The following CDH13 variants were observed in gnomAD, a reference collection of about 807,000 sequenced individuals.
The protein encoded by CDH13 is cadherin-13.
In CDH13, 24 loss-of-function variants were observed where a neutral mutation model predicts 63.8. The observed-to-expected ratio is 0.38, with a 90% confidence interval of 0.27 to 0.53. The LOEUF (loss-of-function observed/expected upper bound fraction) is 0.53, where lower values mean the gene tolerates loss of function less well. Ranked by LOEUF, CDH13 falls within the 20% of genes least tolerant of loss-of-function variation. CDH13 has a pLI of 0.85. For missense variants in CDH13, 1,049 were observed against 903.1 expected, an observed-to-expected ratio of 1.16 and a Z score of -2.07; for synonymous variants, 503 against 355.3, an observed-to-expected ratio of 1.42 and a Z score of -4.67.
At chr16:82,930,311 C>G (rs946336546) in intron 2 of CDH13, among the ~76,000 whole-genome samples, 5 of 152,194 alleles carry the variant, frequency 3.3e-5, no homozygotes, top group South Asian at 2.1e-4. Flanking sequence ...AGAGAGTGTA[C>G]TCTTGTGTGT....
intron 5 of CDH13, among the ~76,000 whole-genome samples, chr16:83,238,459 A>G (rs1597575942): frequency 6.6e-6 from 1 of 152,200 alleles, no homozygotes; most frequent in Non-Finnish European, 1.5e-5. Flanking sequence ...GGTCACTCCC[A>G]TGACATGGGG....
intron 6 of CDH13, among the ~76,000 whole-genome samples, chr16:83,368,338 G>C (rs934359452): frequency 3.3e-5 from 5 of 152,046 alleles, no homozygotes; most frequent in Non-Finnish European, 5.9e-5. Context: ...TCATCTATTT[G>C]AGCTTACCTT....
chr16:82,819,412 G>C (rs527311627), intron 1 of CDH13, among the ~76,000 whole-genome samples: 1 of 152,308 alleles, frequency 6.6e-6, no homozygotes, highest in Admixed American at 6.5e-5. Flanking sequence ...GCATGGACTA[G>C]GGAGTCATGA....
intron 2 of CDH13, among the ~76,000 whole-genome samples, chr16:83,026,800 A>G (rs767183177): frequency 5.3e-5 from 8 of 152,186 alleles, no homozygotes; most frequent in Non-Finnish European, 1.2e-4. Flanking sequence ...CACTTCATTC[A>G]AAATGCACAC....
intron 4 of CDH13, among the ~76,000 whole-genome samples, chr16:83,164,720 C>A (rs1194456789): frequency 6.6e-4 from 91 of 138,788 alleles, no homozygotes; most frequent in African/African-American, 1.8e-3. Flanking sequence ...GACTCTGTCT[C>A]AAAAAAAGAA....
intron 1 of CDH13, among the ~76,000 whole-genome samples, chr16:82,788,427 A>G (rs955889115): frequency 2.0e-5 from 3 of 152,186 alleles, no homozygotes; most frequent in African/African-American, 4.8e-5. Flanking sequence ...AACAGGTATC[A>G]TGGCCTTGGC....
chr16:82,840,907 T>C (rs7202042), intron 1 of CDH13, among the ~76,000 whole-genome samples: 46,544 of 151,812 alleles, frequency 0.31, 7,312 homozygotes, highest in South Asian at 0.33. Flanking sequence ...ACTCAGGTGC[T>C]TGGCAAGGTC....
At chr16:82,821,013 A>G (rs924624547) in intron 1 of CDH13, among the ~76,000 whole-genome samples, 6 of 152,152 alleles carry the variant, frequency 3.9e-5, no homozygotes, top group Non-Finnish European at 7.3e-5. Flanking sequence ...AGATGAGGCC[A>G]TCAGTTACAG....
chr16:83,738,577 G>C (rs1911757437), intron 10 of CDH13, among the ~76,000 whole-genome samples: 1 of 152,186 alleles, frequency 6.6e-6, no homozygotes, highest in Non-Finnish European at 1.5e-5. Context: ...TGTGATTCCA[G>C]CTTCCTTGGG....
At chr16:83,734,727 TATAATAATAATA>T (rs61075767) in intron 10 of CDH13, among the ~76,000 whole-genome samples, 2 of 141,850 alleles carry the variant, frequency 1.4e-5, no homozygotes, top group Non-Finnish European at 3.1e-5. Context: ...AAACTTAAAG[TATAATAATAATA>T]ATAATAATAA....
At chr16:83,344,578 G>C (rs552372015) in intron 5 of CDH13, among the ~76,000 whole-genome samples, 1 of 152,152 alleles carries the variant, frequency 6.6e-6, no homozygotes, top group Non-Finnish European at 1.5e-5. Context: ...GGCTATGACT[G>C]TTTATGTTTT....
chr16:82,806,397 T>C (rs1268712296), intron 1 of CDH13, among the ~76,000 whole-genome samples: 1 of 152,148 alleles, frequency 6.6e-6, no homozygotes, highest in Non-Finnish European at 1.5e-5. Flanking sequence ...CCAGACACCT[T>C]TAAGATTTAG....
chr16:83,264,087 A>G (rs1907306541), intron 5 of CDH13, among the ~76,000 whole-genome samples: 1 of 152,188 alleles, frequency 6.6e-6, no homozygotes, highest in African/African-American at 2.4e-5. Context: ...TACTGCCATT[A>G]TCATAAGTTG....
intron 7 of CDH13, among the ~76,000 whole-genome samples, chr16:83,565,383 CTTT>C (rs369127310): frequency 2.6e-3 from 343 of 130,610 alleles, no homozygotes; most frequent in Non-Finnish European, 3.8e-3. Context: ...TTCCACTGTT[CTTT>C]TTTTTTTTTT....
intron 1 of CDH13, among the ~76,000 whole-genome samples, chr16:82,782,235 G>A (rs912675414): frequency 6.6e-6 from 1 of 152,152 alleles, no homozygotes; most frequent in Non-Finnish European, 1.5e-5. Flanking sequence ...TTCAGGGTGG[G>A]CCTGTGGTTT....
At chr16:83,140,396 G>T (rs567934462) in intron 4 of CDH13, among the ~76,000 whole-genome samples, 12 of 152,332 alleles carry the variant, frequency 7.9e-5, no homozygotes, top group African/African-American at 2.9e-4. Flanking sequence ...TCTAATGTGG[G>T]ATCTACTGCC....
chr16:82,729,229 T>G (rs1215520952), intron 1 of CDH13, among the ~76,000 whole-genome samples: 3 of 152,186 alleles, frequency 2.0e-5, no homozygotes, highest in Non-Finnish European at 4.4e-5. Context: ...TAATGGCTTC[T>G]AGAATGGTGA....
chr16:83,399,498 T>C (rs2091935393), intron 6 of CDH13, among the ~76,000 whole-genome samples: 1 of 152,162 alleles, frequency 6.6e-6, no homozygotes, highest in Non-Finnish European at 1.5e-5. Context: ...ACTATGTCTC[T>C]CTCCCATCCC....
intron 2 of CDH13, among the ~76,000 whole-genome samples, chr16:82,944,823 C>A (rs772511759): frequency 6.6e-6 from 1 of 152,098 alleles, no homozygotes; most frequent in South Asian, 2.1e-4. Context: ...TTGTACCTAT[C>A]TATCTATTTA....
Sources: gnomAD v4.1 joint callset for allele counts (sites outside exome capture counted in the v4.1 genomes callset) on GRCh38, gnomAD v4.1.1 for gene constraint, MANE v1.5 for transcripts, NCBI Gene and HGNC (gene_info 2026-07-23, HGNC 2026-07-21) for gene names.